The following SLC2A8 variants were observed in gnomAD, a reference collection of about 807,000 sequenced individuals.
SLC2A8 encodes the protein solute carrier family 2 member 8, also known as solute carrier family 2, facilitated glucose transporter member 8.
SLC2A8 carries 53 observed loss-of-function variants against 49.2 expected under a neutral mutation model. The ratio of observed to expected loss-of-function variants is 1.08; its 90% CI spans 0.86 to 1.35. The LOEUF is 1.35. SLC2A8 is among the 40% of genes most tolerant of loss of function. The pLI, the probability that SLC2A8 is intolerant of heterozygous loss-of-function variation, is 0.00. For synonymous variants in SLC2A8, 299 were observed against 297.0 expected (o/e 1.01, Z -0.07); for missense variants, 688 against 671.7 (o/e 1.02, Z -0.27).
intron 9 of SLC2A8, among the ~76,000 whole-genome samples, chr9:127,405,839 G>A (rs369889224): frequency 1.3e-5 from 2 of 152,350 alleles, no homozygotes; most frequent in African/African-American, 4.8e-5. Flanking sequence ...TCAGGAAAGC[G>A]GGCCTTGAGC....
intron 7 of SLC2A8, 163 bp downstream of exon 7, chr9:127,404,230 C>G (rs1833406721): frequency 1.7e-6 from 1 of 583,946 alleles, no homozygotes; most frequent in African/African-American, 1.9e-5. Flanking sequence ...TCACTGCAGG[C>G]CTGTCCATGC....
chr9:127,397,421 C>G lies in SLC2A8; in HGVS notation c.102C>G (p.Ala34=). ...RRVFLAAFAA[A]LGPLSFGFAL... is the part of the protein sequence containing the mutation. ...TCTTCCTCGCCGCCTTCGCCGCTGC[C>G]CTGGGCCCACTCAGCTTCGGCTTCG... Residue 34 remains alanine, a synonymous_variant, in exon 2 of 10, where the codon GCC becomes GCG. Coordinates refer to ENST00000373371, the MANE Select transcript of SLC2A8 (RefSeq NM_014580.5). 1 of 1,485,954 alleles carries G rather than the reference C, an allele frequency of 6.7e-7. No homozygotes were observed. Among genetic ancestry groups the G allele is most frequent in the Non-Finnish European group, 8.9e-7 (1 of 1,126,430 alleles). The allele number at this position is 1,485,954 out of a possible 1,614,324, so 92.0% of individuals were successfully genotyped here.
At chr9:127,402,263 C>T (rs572910746) in intron 4 of SLC2A8, 16 of 381,466 alleles carry the variant, frequency 4.2e-5, no homozygotes, top group Admixed American at 3.4e-4. Context: ...CATGCGGACA[C>T]GCAGCAAGCA....
intron 5 of SLC2A8, 93 bp downstream of exon 5, chr9:127,402,846 G>A (rs1181743162): frequency 1.8e-5 from 25 of 1,400,122 alleles, no homozygotes; most frequent in Non-Finnish European, 2.3e-5. Flanking sequence ...TTGGGGGGTG[G>A]GGGACAGGGA....
intron 4 of SLC2A8, among the ~76,000 whole-genome samples, chr9:127,401,660 G>C (rs777549450): frequency 2.0e-4 from 30 of 152,168 alleles, no homozygotes; most frequent in Non-Finnish European, 1.3e-4. Context: ...ATCAATTTCT[G>C]TGAGTTTCGA....
intron 5 of SLC2A8, 156 bp from the exon 6 acceptor site, chr9:127,403,504 A>T (rs1833370404): frequency 1.3e-6 from 1 of 799,772 alleles, no homozygotes; most frequent in Admixed American, 2.3e-5. Flanking sequence ...GGAGGCTGGG[A>T]CTTGTCTGCA....
At position 127,397,516 on chromosome 9, in the gene SLC2A8, A is replaced by C. The variant is rs981629632; in HGVS notation, c.197A>C (p.Asp66Ala). The C allele has an allele frequency of 1.5e-5, 21 of 1,429,062 alleles. No individual in the cohort carries two copies. Among genetic ancestry groups the C allele is most frequent in the East Asian group, 8.9e-5 (3 of 33,610 alleles). The allele number at this position is 1,429,062 out of a possible 1,614,324, so 88.5% of individuals were successfully genotyped here. The change falls in exon 2 of 10, where the codon GAC (aspartate) becomes GCC (alanine). Residue 66 changes from aspartate (D) to alanine (A), a missense_variant. Asp to Ala is a moderately radical substitution (Grantham distance 126). Transcript: ENST00000373371. ...RAAPPAPRLD[D>A]AAASWFGAVV... Reference sequence around the variant, plus strand: ...GCGCCCCCGGCCCCGCGCCTGGACGACGCCGCCGCCTCCTGGTTCGGGGTG... The same window carrying C: ...GCGCCCCCGGCCCCGCGCCTGGACGCCGCCGCCGCCTCCTGGTTCGGGGTG...
At chr9:127,403,600 A>C in intron 5 of SLC2A8, 60 bp from the exon 6 acceptor site, 1 of 1,604,888 alleles carries the variant, frequency 6.2e-7, no homozygotes, top group Non-Finnish European at 8.5e-7. Context: ...AGACCCCCAG[A>C]GGGGGGCCGC....
rs1002054359 is a variant in SLC2A8, at chr9:127,399,050, G to C, written c.427-857G>C. ...TGGGCAGAAACACACCTGTGTTAGG[G>C]GCCTAAGCTATGGAATAACCTTAGA... On this transcript the variant is annotated intron_variant, in intron 3 of 9. Coordinates refer to ENST00000373371, the MANE Select transcript of SLC2A8 (RefSeq NM_014580.5). The surrounding 1 kb of genome is among the most constrained non-coding windows in gnomAD (Gnocchi z 4.2). Among the ~76,000 whole-genome samples, 1 of 152,150 alleles carries C rather than the reference G, an allele frequency of 6.6e-6. No homozygotes were observed. The highest frequency in any genetic ancestry group is 2.4e-5 in the African/African-American group (1 of 41,412).
intron 4 of SLC2A8, among the ~76,000 whole-genome samples, chr9:127,401,129 C>A (rs1055403548): frequency 6.6e-6 from 1 of 152,180 alleles, no homozygotes; most frequent in African/African-American, 2.4e-5. Context: ...GGCTTCAAAT[C>A]TGACCATCCT....
In SLC2A8 at chr9:127,405,521, T is replaced by C. The variant is rs140385904; in HGVS notation, c.1252T>C (p.Trp418Arg). ...VATGICVLTN[W>R]LMAFLVTKEF... is the part of the protein sequence containing the mutation. Reference sequence around the variant, plus strand: ...GACAGGCATCTGCGTCCTCACCAACTGGCTCATGGCCTTTCTCGTGACCAA... The same window carrying C: ...GACAGGCATCTGCGTCCTCACCAACCGGCTCATGGCCTTTCTCGTGACCAA... The change falls in exon 9 of 10, where the codon TGG becomes CGG. Residue 418 changes from tryptophan to arginine, a missense_variant. Trp to Arg is a moderately radical substitution (Grantham distance 101). Coordinates refer to ENST00000373371, the MANE Select transcript of SLC2A8 (RefSeq NM_014580.5). The C allele has an allele frequency of 1.6e-4, 253 of 1,613,276 alleles. 1 individual carries two copies. In the African/African-American group the frequency reaches 3.1e-3, roughly 20 times the overall value.
At chr9:127,404,343 G>A in intron 7 of SLC2A8, 1 of 396,766 alleles carries the variant, frequency 2.5e-6, no homozygotes, top group Non-Finnish European at 4.6e-6. Context: ...CCAGGAAGGT[G>A]AAGTGACTCA....
rs780559585 is a variant in SLC2A8 at position 127,404,891 on chromosome 9, C to G, written c.1050C>G (p.Ser350=). 1 of 1,612,796 alleles carries G rather than the reference C, an allele frequency of 6.2e-7. No homozygotes were observed. Among genetic ancestry groups the G allele is most frequent in the Non-Finnish European group, 8.5e-7 (1 of 1,179,856 alleles). ...TGACCCAGGGTGGCCCTGGCAACTC[C>G]TCGCACGTGGCCATCTCGGCGCCTG... is the stretch of plus-strand genomic sequence containing the variant. ...FKLTQGGPGN[S]SHVAISAPVS... is the part of the protein sequence containing the mutation. Residue 350 remains serine (S), a synonymous_variant, in exon 8 of 10, where the codon TCC becomes TCG. Coordinates refer to ENST00000373371, the MANE Select transcript of SLC2A8 (RefSeq NM_014580.5).
Position 127,404,085 on chromosome 9 carries a change from T to C in SLC2A8, c.976+18T>C. On this transcript the variant is annotated intron_variant, in intron 7 of 9. Transcript: ENST00000373371. The stretch of plus-strand genomic sequence containing the variant: ...CTTGTCAGGTGAGGGTTCACCCCTG[T>C]GCAGCCTCCCCGCCATGCGGGGGAG... 6.5e-7 allele frequency: 1 copy of C among 1,536,176 alleles called. No homozygotes were observed. Among genetic ancestry groups the C allele is most frequent in the Non-Finnish European group, 8.8e-7 (1 of 1,133,202 alleles).
At chr9:127,402,976 C>T (rs1833349416) in intron 5 of SLC2A8, among the ~76,000 whole-genome samples, 1 of 152,212 alleles carries the variant, frequency 6.6e-6, no homozygotes, top group Middle Eastern at 3.2e-3. Context: ...ACCAGCAAAG[C>T]CCGAGCTTTG....
Position 127,407,384 on chromosome 9 carries a change from C to T in SLC2A8, c.*135C>T, listed in dbSNP as rs564822404. The T allele has an allele frequency of 2.9e-5, 32 of 1,119,208 alleles. No individual in the cohort carries two copies. The East Asian group carries it at 6.9e-4, about 24-fold the overall frequency. The allele number at this position is 1,119,208 out of a possible 1,614,324, so 69.3% of individuals were successfully genotyped here. On this transcript the variant is annotated 3_prime_UTR_variant, in exon 10 of 10. Transcript: ENST00000373371. The stretch of plus-strand genomic sequence containing the variant: ...TGCAGGGTCCCTCCTTCCTGTCATG[C>T]TCCCTCCAGCCCATGACCCGGGGCT...
At position 127,405,523 on chromosome 9, in the gene SLC2A8, G is replaced by T; in HGVS notation, c.1254G>T (p.Trp418Cys). 1 of 1,613,254 alleles carries T rather than the reference G, an allele frequency of 6.2e-7. No homozygotes were observed. Among genetic ancestry groups the T allele is most frequent in the Non-Finnish European group, 8.5e-7 (1 of 1,180,026 alleles). ...VATGICVLTN[W>C]LMAFLVTKEF... ...CAGGCATCTGCGTCCTCACCAACTG[G>T]CTCATGGCCTTTCTCGTGACCAAGG... The change falls in exon 9 of 10, where the codon TGG (tryptophan) becomes TGT (cysteine). Residue 418 changes from tryptophan (W) to cysteine (C), a missense_variant. Transcript: ENST00000373371.
In SLC2A8 at chr9:127,407,525, G is replaced by A. The variant is rs1833533859; in HGVS notation, c.*276G>A. On this transcript the variant is annotated 3_prime_UTR_variant, in exon 10 of 10. Coordinates refer to ENST00000373371, the MANE Select transcript of SLC2A8 (RefSeq NM_014580.5). Reference sequence around the variant, plus strand: ...CATGCGCAAGACTAAAGCAGCGGAAGAGGAGGTGGGCCTCTAGGATCTTTG... The same window carrying A: ...CATGCGCAAGACTAAAGCAGCGGAAAAGGAGGTGGGCCTCTAGGATCTTTG... The A allele has an allele frequency of 7.2e-6, 4 of 557,512 alleles. No homozygotes were observed. Among genetic ancestry groups the A allele is most frequent in the South Asian group, 6.2e-5 (4 of 64,032 alleles). The allele number at this position is 557,512 out of a possible 1,614,324, so 34.5% of individuals were successfully genotyped here.
At chr9:127,403,355 G>A (rs144501652) in intron 5 of SLC2A8, 1 of 447,918 alleles carries the variant, frequency 2.2e-6, no homozygotes, top group South Asian at 2.8e-5. Context: ...GCCCAGACCT[G>A]AGGCAGGTGC....
Sources: allele counts gnomAD v4.1 joint callset (sites outside exome capture counted in the v4.1 genomes callset), GRCh38; gene constraint gnomAD v4.1.1; non-coding constraint Gnocchi (gnomAD v3.1); transcripts MANE v1.5; gene names NCBI Gene and HGNC (gene_info 2026-07-23, HGNC 2026-07-21).